TCERG1: variants seen among roughly 807,000 people sequenced by gnomAD.
TCERG1 encodes the protein transcription elongation regulator 1, also known as TATA box binding protein (TBP)-associated factor, RNA polymerase II, S, 150kD.
TCERG1 carries 37 observed loss-of-function variants against 144.7 expected under a neutral mutation model. The observed-to-expected ratio is 0.26, with a 90% confidence interval of 0.20 to 0.34. The LOEUF (loss-of-function observed/expected upper bound fraction) is 0.34. Among genes scored for constraint, TCERG1 ranks in the 10% least tolerant of loss-of-function variants. The pLI, the probability that TCERG1 is intolerant of heterozygous loss-of-function variation, is 1.00. For synonymous variants in TCERG1, 492 were observed against 458.2 expected (o/e 1.07, Z -0.94); for missense variants, 1,027 against 1,380.7 (o/e 0.74, Z 4.06).
Position 146,498,580 on chromosome 5 carries a change from G to C in TCERG1, c.2327G>C (p.Arg776Thr), listed in dbSNP as rs1378144883. Residue 776 changes from arginine (R) to threonine (T), a missense_variant, in exon 17 of 23, where the codon AGA becomes ACA. Physicochemically the swap from Arg to Thr is moderately conservative, Grantham distance 71. This residue lies in a region of TCERG1 where 482 missense variants were observed against 632.6 expected (regional missense o/e 0.76). Coordinates refer to ENST00000679501, the MANE Select transcript of TCERG1 (RefSeq NM_001382548.1). ...EFAAKHAKDS[R>T]FKAIEKMKDR... ...GCAGCCAAGCATGCTAAAGATTCAA[G>C]ATTCAAAGCAATTGAAAAGATGAAA... 6.2e-7 allele frequency: 1 copy of C among 1,610,050 alleles called. No individual in the cohort carries two copies. Among genetic ancestry groups the C allele is most frequent in the Non-Finnish European group, 8.5e-7 (1 of 1,178,398 alleles).
At chr5:146,485,819 C>G (rs1384190018) in intron 15 of TCERG1, among the ~76,000 whole-genome samples, 2 of 152,084 alleles carry the variant, frequency 1.3e-5, no homozygotes, top group South Asian at 2.1e-4. Flanking sequence ...CTTAGCCTCC[C>G]AAGTAGCTGG....
chr5:146,455,003 TA>T, intron 1 of TCERG1, 52 bp from the exon 2 acceptor site: 3 of 1,583,402 alleles, frequency 1.9e-6, no homozygotes, highest in South Asian at 2.2e-5. Context: ...GATCAGTAGC[TA>T]CATTTTTGTA....
chr5:146,456,046 A>G (rs1307262165), intron 2 of TCERG1, among the ~76,000 whole-genome samples: 1 of 152,190 alleles, frequency 6.6e-6, no homozygotes, highest in Admixed American at 6.5e-5. Flanking sequence ...GCCTTCCATT[A>G]GCTTAGACAG....
chr5:146,468,504 TA>T, intron 6 of TCERG1, 101 bp downstream of exon 6: 3 of 1,032,528 alleles, frequency 2.9e-6, no homozygotes, highest in Non-Finnish European at 4.2e-6. Context: ...AGTGAGTGGA[TA>T]TTTTTATATT....
At chr5:146,450,506 A>G (rs1259041288) in intron 1 of TCERG1, among the ~76,000 whole-genome samples, 1 of 152,258 alleles carries the variant, frequency 6.6e-6, no homozygotes, top group Non-Finnish European at 1.5e-5. Flanking sequence ...AACACTTACC[A>G]GTACTATTAC....
chr5:146,498,097 C>T (rs572735787), intron 16 of TCERG1, among the ~76,000 whole-genome samples: 5 of 152,122 alleles, frequency 3.3e-5, no homozygotes, highest in Admixed American at 1.3e-4. Flanking sequence ...CAGTCTTACT[C>T]TTTCTGTTGT....
intron 9 of TCERG1, among the ~76,000 whole-genome samples, chr5:146,472,441 G>A (rs1431320994): frequency 1.3e-5 from 2 of 151,996 alleles, no homozygotes; most frequent in Admixed American, 6.6e-5. Flanking sequence ...ATCTGTTACA[G>A]TGATCTGCGA....
At chr5:146,460,972 A>G (rs1359974087) in intron 4 of TCERG1, among the ~76,000 whole-genome samples, 2 of 152,188 alleles carry the variant, frequency 1.3e-5, no homozygotes, top group Non-Finnish European at 2.9e-5. Flanking sequence ...GGATTAATAA[A>G]AGCAATGTAG....
At chr5:146,476,765 G>A (rs1041893025) in intron 9 of TCERG1, among the ~76,000 whole-genome samples, 1 of 152,060 alleles carries the variant, frequency 6.6e-6, no homozygotes. Flanking sequence ...TTCTTCAGAT[G>A]AGATAGTTAA....
At position 146,458,798 on chromosome 5, in the gene TCERG1, C is replaced by G. The variant is rs554853211; in HGVS notation, c.439-86C>G. 43 of 1,503,930 alleles carry G rather than the reference C, an allele frequency of 2.9e-5. 2 individuals are homozygous for G. The South Asian group carries it at 5.6e-4, about 20-fold the overall frequency. 93.2% of individuals were successfully genotyped at this position (1,503,930 alleles called of 1,614,324 possible). A position where few individuals can be genotyped will look rare whatever the true frequency, so the allele number is the denominator to read the frequency against. On this transcript the variant is annotated intron_variant, in intron 3 of 22. Transcript: ENST00000679501. ...CTGGCCCTACGTTATTTTTAAATAG[C>G]TTTAAAGATAAAATATGGTTCCATT...
rs561001635 is a variant in TCERG1 at position 146,500,423 on chromosome 5, G to T, written c.2433+1737G>T. Among the ~76,000 whole-genome samples, 19 of 151,452 alleles carry T rather than the reference G, an allele frequency of 1.3e-4. No homozygotes were observed. In the East Asian group the frequency reaches 1.9e-3, roughly 15 times the overall value. On this transcript the variant is annotated intron_variant, in intron 17 of 22. Coordinates refer to ENST00000679501, the MANE Select transcript of TCERG1 (RefSeq NM_001382548.1). ...ATACTTAAAAAAAAAAAATCACATT[G>T]TAACTGAGTAATTAGATAGCAAGAG...
At chr5:146,495,643 C>T (rs528474496) in intron 16 of TCERG1, among the ~76,000 whole-genome samples, 1 of 152,268 alleles carries the variant, frequency 6.6e-6, no homozygotes, top group South Asian at 2.1e-4. Flanking sequence ...TAAATGTTAG[C>T]TGTGAGTGAT....
intron 22 of TCERG1, 149 bp downstream of exon 22, chr5:146,509,394 C>A: frequency 4.2e-6 from 2 of 481,410 alleles, no homozygotes; most frequent in Non-Finnish European, 7.4e-6. Context: ...AAGTCAAATA[C>A]AGCCCATATC....
At chr5:146,484,899 T>G (rs1765689768) in intron 15 of TCERG1, among the ~76,000 whole-genome samples, 2 of 152,168 alleles carry the variant, frequency 1.3e-5, no homozygotes, top group Non-Finnish European at 2.9e-5. Flanking sequence ...ATTGTTGATC[T>G]CCTTCATTCC....
chr5:146,473,439 G>A (rs1764533115), intron 9 of TCERG1, among the ~76,000 whole-genome samples: 2 of 152,194 alleles, frequency 1.3e-5, no homozygotes, highest in Admixed American at 1.3e-4. Context: ...AGAAGCTGTA[G>A]CAAGTTATCC....
At chr5:146,474,861 T>A (rs1764687771) in intron 9 of TCERG1, among the ~76,000 whole-genome samples, 2 of 152,252 alleles carry the variant, frequency 1.3e-5, no homozygotes, top group South Asian at 2.1e-4. Context: ...TACAGCATGA[T>A]GTAAATATAA....
chr5:146,489,109 A>C (rs188822396), intron 15 of TCERG1, among the ~76,000 whole-genome samples: 2 of 152,322 alleles, frequency 1.3e-5, no homozygotes, highest in Non-Finnish European at 2.9e-5. Flanking sequence ...AAAACTGGAT[A>C]GGAAGATTAA....
At chr5:146,509,508 C>A (rs572431196) in intron 22 of TCERG1, among the ~76,000 whole-genome samples, 103 of 116,988 alleles carry the variant, frequency 8.8e-4, no homozygotes, top group African/African-American at 3.3e-3. Flanking sequence ...TTTTTTTTTA[C>A]TTCACCGCTT....
intron 1 of TCERG1, among the ~76,000 whole-genome samples, chr5:146,448,488 G>A (rs1459943624): frequency 2.0e-5 from 3 of 152,180 alleles, no homozygotes; most frequent in Non-Finnish European, 4.4e-5. Context: ...TGGGAGAAAT[G>A]GCATTTCAGA....
Sources: gnomAD v4.1 joint callset for allele counts (sites outside exome capture counted in the v4.1 genomes callset) on GRCh38, gnomAD v4.1.1 for gene constraint, gnomAD v4.1.1 regional missense constraint, MANE v1.5 for transcripts, NCBI Gene and HGNC (gene_info 2026-07-23, HGNC 2026-07-21) for gene names.